Variants in TNIK observed in about 807,000 individuals in gnomAD.
TNIK encodes the protein TRAF2 and NCK-interacting protein kinase.
A neutral mutation model predicts 191.3 loss-of-function variants in TNIK; 49 were observed. That is an observed-to-expected ratio of 0.26 (90% CI 0.20 to 0.32). The LOEUF is 0.32. Ranked by LOEUF, TNIK falls within the 10% of genes least tolerant of loss-of-function variation. TNIK has a pLI of 1.00. For missense variants in TNIK, 1,155 were observed against 1,702.3 expected (o/e 0.68, Z 5.66); for synonymous variants, 594 against 600.9 (o/e 0.99, Z 0.17).
At chr3:171,206,929 A>T (rs919899743) in intron 4 of TNIK, among the ~76,000 whole-genome samples, 1 of 152,170 alleles carries the variant, frequency 6.6e-6, no homozygotes, top group African/African-American at 2.4e-5. Context: ...CCATCTCACA[A>T]AATGAATGAA....
chr3:171,329,921 C>G (rs568231251), intron 2 of TNIK, among the ~76,000 whole-genome samples: 2 of 152,256 alleles, frequency 1.3e-5, no homozygotes, highest in Admixed American at 6.5e-5. Context: ...TTGAAAGAAC[C>G]CTGGCACTAA....
chr3:171,340,586 A>G (rs1490542644), intron 2 of TNIK, among the ~76,000 whole-genome samples: 1 of 152,156 alleles, frequency 6.6e-6, no homozygotes, highest in Non-Finnish European at 1.5e-5. Context: ...TGCCTTGTTG[A>G]TTATACTTAC....
intron 2 of TNIK, among the ~76,000 whole-genome samples, chr3:171,291,773 T>C (rs1203830006): frequency 3.3e-5 from 5 of 152,242 alleles, no homozygotes; most frequent in African/African-American, 1.2e-4. Flanking sequence ...TAAATTTGTG[T>C]TTCTCATTCA....
chr3:171,397,618 C>T (rs1285640273), intron 1 of TNIK, among the ~76,000 whole-genome samples: 1 of 152,070 alleles, frequency 6.6e-6, no homozygotes, highest in East Asian at 1.9e-4. Flanking sequence ...TATTGACAAT[C>T]GAACTTACAA....
chr3:171,285,587 G>A (rs1329064294), intron 2 of TNIK, among the ~76,000 whole-genome samples: 1 of 152,184 alleles, frequency 6.6e-6, no homozygotes, highest in Non-Finnish European at 1.5e-5. Context: ...TGTGTGTACA[G>A]TGCCTGTAAG....
At chr3:171,092,871 G>A (rs1004856150) in intron 23 of TNIK, among the ~76,000 whole-genome samples, 13 of 152,168 alleles carry the variant, frequency 8.5e-5, no homozygotes, top group Non-Finnish European at 1.8e-4. Flanking sequence ...AAAAACAGAT[G>A]ACATATGTTT....
intron 2 of TNIK, among the ~76,000 whole-genome samples, chr3:171,259,256 A>C (rs550600597): frequency 6.6e-6 from 1 of 152,214 alleles, no homozygotes; most frequent in Non-Finnish European, 1.5e-5. Flanking sequence ...CAGACCTAAT[A>C]TTTAAACATA....
chr3:171,417,828 T>C (rs571957515), intron 1 of TNIK, among the ~76,000 whole-genome samples: 136 of 152,350 alleles, frequency 8.9e-4, no homozygotes, highest in Non-Finnish European at 1.4e-3. Context: ...TCTCTAAGGC[T>C]GCATGGCATT....
intron 1 of TNIK, among the ~76,000 whole-genome samples, chr3:171,444,073 G>T (rs1238796597): frequency 1.3e-5 from 2 of 152,162 alleles, no homozygotes; most frequent in East Asian, 3.8e-4. Flanking sequence ...CCCCAGCAAT[G>T]AGTATAAAAT....
At chr3:171,325,966 A>T (rs959648728) in intron 2 of TNIK, among the ~76,000 whole-genome samples, 12 of 152,198 alleles carry the variant, frequency 7.9e-5, no homozygotes, top group African/African-American at 2.9e-4. Context: ...CATCTGCTCT[A>T]TCCAGAATTC....
intron 1 of TNIK, among the ~76,000 whole-genome samples, chr3:171,401,663 A>G (rs557263689): frequency 2.0e-5 from 3 of 152,276 alleles, no homozygotes; most frequent in African/African-American, 7.2e-5. Context: ...GCATCAAGGT[A>G]CATCGTGGAG....
intron 2 of TNIK, among the ~76,000 whole-genome samples, chr3:171,330,202 G>C (rs558432002): frequency 6.6e-6 from 1 of 152,168 alleles, no homozygotes; most frequent in African/African-American, 2.4e-5. Context: ...TGGGAAATGC[G>C]CTTATTAGAT....
intron 3 of TNIK, among the ~76,000 whole-genome samples, chr3:171,213,530 G>T (rs545393188): frequency 3.3e-5 from 5 of 151,772 alleles, no homozygotes; most frequent in Admixed American, 6.5e-5. Flanking sequence ...GACAGGGGAG[G>T]GGGGGACTGC....
At chr3:171,334,936 C>A (rs1377873866) in intron 2 of TNIK, among the ~76,000 whole-genome samples, 1 of 148,068 alleles carries the variant, frequency 6.8e-6, no homozygotes, top group Admixed American at 6.7e-5. Context: ...TATTATTCTA[C>A]TAGCGCTTAC....
chr3:171,091,183 G>C (rs1722008617), intron 23 of TNIK, among the ~76,000 whole-genome samples: 1 of 152,140 alleles, frequency 6.6e-6, no homozygotes, highest in Admixed American at 6.5e-5. Flanking sequence ...GCATTTAATT[G>C]GTAGACTCAG....
rs551900888 is a variant in TNIK at position 171,387,550 on chromosome 3, C to CATA, written c.58-17866_58-17865insTAT. ...TCATGTGCCCTTCTCAGTCACTATA[C>CATA]TCAAATGCTTTTATGAGATAAGAAA... is the stretch of plus-strand genomic sequence containing the variant. On this transcript the variant is annotated intron_variant, in intron 1 of 32. Coordinates refer to ENST00000436636, the MANE Select transcript of TNIK (RefSeq NM_015028.4). Among the ~76,000 whole-genome samples, 23 of 152,234 alleles carry CATA rather than the reference C, an allele frequency of 1.5e-4. No individual in the cohort carries two copies. In the East Asian group the frequency reaches 4.0e-3, roughly 27 times the overall value.
intron 1 of TNIK, among the ~76,000 whole-genome samples, chr3:171,431,161 T>A (rs1725337197): frequency 6.6e-6 from 1 of 151,992 alleles, no homozygotes; most frequent in African/African-American, 2.4e-5. Flanking sequence ...GAGCCCAAAA[T>A]GAAAATGTTG....
chr3:171,118,739 T>G (rs1284302298), intron 18 of TNIK, among the ~76,000 whole-genome samples: 2 of 152,080 alleles, frequency 1.3e-5, no homozygotes, highest in South Asian at 2.1e-4. Context: ...TAGCCATATG[T>G]AGAAAGCTGA....
At chr3:171,068,099 CACT>C (rs1718705223) in intron 30 of TNIK, among the ~76,000 whole-genome samples, 1 of 152,212 alleles carries the variant, frequency 6.6e-6, no homozygotes, top group African/African-American at 2.4e-5. Context: ...ACACACTTTA[CACT>C]ACACTTAATC....
Sources: allele counts gnomAD v4.1 joint callset (sites outside exome capture counted in the v4.1 genomes callset), GRCh38; gene constraint gnomAD v4.1.1; transcripts MANE v1.5; gene names NCBI Gene and HGNC (gene_info 2026-07-23, HGNC 2026-07-21).